The following AGMO variants were observed in gnomAD, a reference collection of about 807,000 sequenced individuals.
AGMO encodes the protein alkylglycerol monooxygenase, also known as glyceryl-ether monooxygenase.
A neutral mutation model predicts 60.2 loss-of-function variants in AGMO; 75 were observed. The ratio of observed to expected loss-of-function variants is 1.25; its 90% confidence interval spans 1.03 to 1.51. AGMO has a LOEUF of 1.51. Ranked by LOEUF, AGMO falls within the 40% of genes most tolerant of loss-of-function variation. The pLI, the probability that AGMO is intolerant of heterozygous loss-of-function variation, is 0.00. For synonymous variants in AGMO, 261 were observed against 177.1 expected (o/e 1.47, Z -3.76); for missense variants, 763 against 525.5 (o/e 1.45, Z -4.42).
chr7:15,307,406 G>T (rs1780645995), intron 12 of AGMO, among the ~76,000 whole-genome samples: 1 of 151,984 alleles, frequency 6.6e-6, no homozygotes, highest in Non-Finnish European at 1.5e-5. Context: ...GACAGTGCCA[G>T]TGGTGAATAA....
rs1425138232 is a variant in AGMO, at chr7:15,387,288, C to T, written c.957+118G>A. The T allele has an allele frequency of 6.6e-6, 8 of 1,219,902 alleles. No individual in the cohort carries two copies. The Admixed American group carries it at 1.8e-4, about 27-fold the overall frequency. The allele number at this position is 1,219,902 out of a possible 1,614,324, so 75.6% of individuals were successfully genotyped here. On this transcript the variant is annotated intron_variant, in intron 9 of 12. Coordinates refer to ENST00000342526, the MANE Select transcript of AGMO (RefSeq NM_001004320.2). ...TAAGTTATGCACCACAGGACTGCAT[C>T]TGACTGGGGGAACATCTTTTTACAG...
At chr7:15,343,541 G>C (rs552205846) in intron 12 of AGMO, among the ~76,000 whole-genome samples, 4 of 152,124 alleles carry the variant, frequency 2.6e-5, no homozygotes, top group Non-Finnish European at 5.9e-5. Context: ...AGTCTTTCAG[G>C]ACTTATTACT....
At chr7:15,365,736 G>A in intron 11 of AGMO, 117 bp from the exon 12 acceptor site, 2 of 705,924 alleles carry the variant, frequency 2.8e-6, no homozygotes, top group Non-Finnish European at 4.6e-6. Context: ...TAATATATTT[G>A]AAAAGCATGT....
chr7:15,273,874 C>G (rs540044943), intron 12 of AGMO, among the ~76,000 whole-genome samples: 6 of 152,262 alleles, frequency 3.9e-5, no homozygotes, highest in Non-Finnish European at 8.8e-5. Flanking sequence ...ATTTTGTTCT[C>G]TTTGAAGCAA....
intron 3 of AGMO, among the ~76,000 whole-genome samples, chr7:15,435,546 T>A (rs760513639): frequency 6.6e-6 from 1 of 152,166 alleles, no homozygotes; most frequent in Non-Finnish European, 1.5e-5. Context: ...TATTCAAAAT[T>A]TGTGCCCATA....
intron 3 of AGMO, among the ~76,000 whole-genome samples, chr7:15,532,600 A>G (rs1171654020): frequency 1.3e-5 from 2 of 152,190 alleles, no homozygotes; most frequent in East Asian, 3.8e-4. Context: ...TGACACACAT[A>G]TTTTGTTTTG....
intron 12 of AGMO, 28 bp downstream of exon 12, chr7:15,365,486 C>T (rs370624839): frequency 6.7e-7 from 1 of 1,501,596 alleles, no homozygotes; most frequent in African/African-American, 1.4e-5. Flanking sequence ...TATACGCCAT[C>T]CTGTGGCTAC....
At chr7:15,318,762 T>A (rs1049355131) in intron 12 of AGMO, among the ~76,000 whole-genome samples, 12 of 152,154 alleles carry the variant, frequency 7.9e-5, no homozygotes, top group African/African-American at 2.7e-4. Flanking sequence ...TGGCTCAATT[T>A]TTTTCTTTGT....
chr7:15,345,253 T>G (rs974239235), intron 12 of AGMO, among the ~76,000 whole-genome samples: 2 of 152,208 alleles, frequency 1.3e-5, no homozygotes, highest in Non-Finnish European at 2.9e-5. Flanking sequence ...TCTAGTTTTT[T>G]TCTCTTGCTG....
chr7:15,221,793 C>T (rs1781931254), intron 12 of AGMO, among the ~76,000 whole-genome samples: 1 of 152,124 alleles, frequency 6.6e-6, no homozygotes, highest in Non-Finnish European at 1.5e-5. Context: ...AGAGAAAAAT[C>T]CAACAAAGGA....
intron 3 of AGMO, among the ~76,000 whole-genome samples, chr7:15,451,310 A>T (rs900551677): frequency 8.9e-5 from 8 of 90,264 alleles, no homozygotes; most frequent in African/African-American, 3.0e-4. Context: ...TGAAGAAGAT[A>T]AAATGATTCC....
At chr7:15,420,223 A>C (rs905583505) in intron 4 of AGMO, among the ~76,000 whole-genome samples, 2 of 152,126 alleles carry the variant, frequency 1.3e-5, no homozygotes, top group African/African-American at 4.8e-5. Context: ...ATAAGTCGTG[A>C]AGTGGTAAAT....
chr7:15,555,597 CT>C (rs1341173405), intron 2 of AGMO, among the ~76,000 whole-genome samples: 1 of 151,884 alleles, frequency 6.6e-6, no homozygotes, highest in Admixed American at 6.6e-5. Context: ...CAATCACTTA[CT>C]TTAATTTCTT....
At chr7:15,160,989 G>C in the AGMO span, among the ~76,000 whole-genome samples, 2 of 152,178 alleles carry the variant, frequency 1.3e-5, no homozygotes, top group African/African-American at 4.8e-5. Context: ...GGGCAAAAGA[G>C]TGAAAGAGAG....
At chr7:15,336,985 G>C (rs1305172056) in intron 12 of AGMO, among the ~76,000 whole-genome samples, 1 of 152,110 alleles carries the variant, frequency 6.6e-6, no homozygotes, top group Non-Finnish European at 1.5e-5. Context: ...AAACATTCCA[G>C]TGCCCTCCCT....
intron 3 of AGMO, among the ~76,000 whole-genome samples, chr7:15,505,980 C>T (rs939916762): frequency 1.3e-5 from 2 of 151,996 alleles, no homozygotes; most frequent in African/African-American, 4.8e-5. Flanking sequence ...GTTTAGACAA[C>T]CACAGTGGCA....
At chr7:15,241,706 C>G (rs1444425631) in intron 12 of AGMO, among the ~76,000 whole-genome samples, 1 of 144,288 alleles carries the variant, frequency 6.9e-6, no homozygotes, top group African/African-American at 2.4e-5. Context: ...TAACAAAATA[C>G]TAAAAATGTA....
At chr7:15,223,055 T>C (rs1583304265) in intron 12 of AGMO, among the ~76,000 whole-genome samples, 1 of 152,152 alleles carries the variant, frequency 6.6e-6, no homozygotes, top group East Asian at 1.9e-4. Context: ...AAGCATTTCA[T>C]GTAGTTTAGT....
intron 12 of AGMO, among the ~76,000 whole-genome samples, chr7:15,243,315 T>G (rs1211641797): frequency 6.6e-6 from 1 of 152,110 alleles, no homozygotes; most frequent in Non-Finnish European, 1.5e-5. Flanking sequence ...TCTAGACTAT[T>G]CTGTATCTGT....
Sources: gnomAD v4.1 joint callset for allele counts (sites outside exome capture counted in the v4.1 genomes callset) on GRCh38, gnomAD v4.1.1 for gene constraint, MANE v1.5 for transcripts, NCBI Gene and HGNC (gene_info 2026-07-23, HGNC 2026-07-21) for gene names.